PRR5L: variants seen among roughly 807,000 people sequenced by gnomAD.
PRR5L encodes the protein proline rich 5 like.
A neutral mutation model predicts 36.4 loss-of-function variants in PRR5L; 21 were observed. The observed-to-expected ratio is 0.58, with a 90% CI of 0.41 to 0.83. The LOEUF (loss-of-function observed/expected upper bound fraction) is 0.83. PRR5L is among the 40% of genes least tolerant of loss of function. PRR5L has a pLI of 0.00. For synonymous variants in PRR5L, 188 were observed against 197.0 expected (o/e 0.95, Z 0.38); for missense variants, 381 against 473.3 (o/e 0.80, Z 1.81).
chr11:36,349,279 C>A (rs1344817885), intron 1 of PRR5L, among the ~76,000 whole-genome samples: 1,614 of 105,978 alleles, frequency 0.015, no homozygotes, highest in Middle Eastern at 0.019. Context: ...AAGACTCTGC[C>A]AAAAAAAAAA....
At chr11:36,309,803 G>A (rs534164557) in intron 1 of PRR5L, among the ~76,000 whole-genome samples, 2 of 152,184 alleles carry the variant, frequency 1.3e-5, no homozygotes, top group South Asian at 4.1e-4. Context: ...TTAAAGGGAT[G>A]AAGAGACTCA....
At position 36,344,334 on chromosome 11, in the gene PRR5L, C is replaced by T. The variant is rs889727695; in HGVS notation, c.-126+47896C>T. Among the ~76,000 whole-genome samples, 3 of 152,194 alleles carry T rather than the reference C, an allele frequency of 2.0e-5. No homozygotes were observed. Among genetic ancestry groups the T allele is most frequent in the Admixed American group, 6.5e-5 (1 of 15,278 alleles). On this transcript the variant is annotated intron_variant, in intron 1 of 8. Coordinates refer to ENST00000530639, the MANE Select transcript of PRR5L (RefSeq NM_001160167.2). The surrounding 1 kb of genome is among the most constrained non-coding windows in gnomAD (Gnocchi z 4.1). ...TAAGTCTTGGTGTATTACTTCCAGA[C>T]CTATTTCCATGCACATTTAGTTGAG... is the stretch of plus-strand genomic sequence containing the variant.
intron 1 of PRR5L, among the ~76,000 whole-genome samples, chr11:36,349,172 C>T (rs2133486525): frequency 6.6e-6 from 1 of 150,846 alleles, no homozygotes; most frequent in Non-Finnish European, 1.5e-5. Context: ...GTAATCCCAG[C>T]ACTTGGGAGG....
chr11:36,345,567 G>A (rs11033564), intron 1 of PRR5L, among the ~76,000 whole-genome samples: 16,835 of 152,210 alleles, frequency 0.11, 963 homozygotes, highest in Non-Finnish European at 0.12. Flanking sequence ...AGGAGTCTGT[G>A]ATCCCCAAAA....
chr11:36,320,804 A>G (rs754423161), intron 1 of PRR5L, among the ~76,000 whole-genome samples: 44 of 152,218 alleles, frequency 2.9e-4, no homozygotes, highest in Non-Finnish European at 1.3e-4. Flanking sequence ...TTGTTTCCTC[A>G]TCTGTAAAAT....
intron 1 of PRR5L, among the ~76,000 whole-genome samples, chr11:36,328,314 T>C (rs1289304157): frequency 6.6e-6 from 1 of 152,194 alleles, no homozygotes; most frequent in East Asian, 1.9e-4. Context: ...CCAAATCTTA[T>C]GTCCAATTGT....
chr11:36,426,279 C>T (rs570780793), intron 4 of PRR5L, among the ~76,000 whole-genome samples: 26 of 152,366 alleles, frequency 1.7e-4, no homozygotes, highest in African/African-American at 6.3e-4. Context: ...TTTGTTAGAA[C>T]ACTTACTAAT....
chr11:36,337,763 T>C (rs12420883), intron 1 of PRR5L, among the ~76,000 whole-genome samples: 7,512 of 152,340 alleles, frequency 0.049, 207 homozygotes, highest in African/African-American at 0.08. Flanking sequence ...GGTTGCCTGC[T>C]GCTCCAGGAC....
At chr11:36,391,419 T>C (rs1463458825) in intron 1 of PRR5L, among the ~76,000 whole-genome samples, 1 of 152,194 alleles carries the variant, frequency 6.6e-6, no homozygotes, top group Non-Finnish European at 1.5e-5. Context: ...AAACACATCT[T>C]GGAAGTTTTT....
chr11:36,420,746 C>A (rs1858245096), intron 4 of PRR5L, among the ~76,000 whole-genome samples: 1 of 151,980 alleles, frequency 6.6e-6, no homozygotes, highest in African/African-American at 2.4e-5. Flanking sequence ...GAAAACAGTA[C>A]AGGCATCCTT....
intron 8 of PRR5L, chr11:36,454,828 G>A (rs1288414520): frequency 6.6e-6 from 1 of 152,302 alleles, no homozygotes; most frequent in Non-Finnish European, 1.5e-5. Flanking sequence ...GGTACGCATA[G>A]GTCAGAGGCC....
chr11:36,365,952 G>A (rs919839780), intron 1 of PRR5L, among the ~76,000 whole-genome samples: 7 of 152,158 alleles, frequency 4.6e-5, no homozygotes, highest in Admixed American at 3.3e-4. Context: ...CTAGGGGACA[G>A]GGCATCTTTC....
intron 1 of PRR5L, among the ~76,000 whole-genome samples, chr11:36,351,751 A>T (rs1565409587): frequency 5.0e-4 from 34 of 67,420 alleles, no homozygotes; most frequent in African/African-American, 2.2e-3. Flanking sequence ...TATATAATTT[A>T]TATATATTTA....
chr11:36,355,474 C>T (rs1026757790), intron 1 of PRR5L, among the ~76,000 whole-genome samples: 12 of 151,896 alleles, frequency 7.9e-5, no homozygotes, highest in Admixed American at 7.9e-4. Flanking sequence ...CTTAAGGGAC[C>T]CAGTTAGTGA....
At chr11:36,392,518 G>A (rs533856536) in intron 1 of PRR5L, among the ~76,000 whole-genome samples, 1 of 152,208 alleles carries the variant, frequency 6.6e-6, no homozygotes, top group East Asian at 1.9e-4. Flanking sequence ...TTTTAATTAG[G>A]GGGAGATAAT....
intron 4 of PRR5L, among the ~76,000 whole-genome samples, chr11:36,423,962 G>A (rs1052940396): frequency 3.9e-5 from 6 of 152,188 alleles, no homozygotes; most frequent in African/African-American, 7.2e-5. Context: ...TGTGGGGCTC[G>A]CTGCCTGTCA....
In PRR5L at chr11:36,403,298, C is replaced by G. The variant is rs749725726; in HGVS notation, c.165C>G (p.Ser55Arg). ...LQLSSSSAWN[S>R]VQTAVINVFK... ...CAGGGGTTATTCTCTTTTCCTGTAG[C>G]GTTCAGACTGCTGTGATCAACGTTT... Residue 55 changes from serine (S) to arginine (R), a missense_variant and splice_region_variant, in exon 3 of 9, where the codon AGC becomes AGG. Transcript: ENST00000530639. 6.2e-7 allele frequency: 1 copy of G among 1,613,440 alleles called. No individual in the cohort carries two copies. The highest frequency in any genetic ancestry group is 8.5e-7 in the Non-Finnish European group (1 of 1,179,544).
intron 1 of PRR5L, chr11:36,379,237 A>G (rs573612422): frequency 1.5e-3 from 236 of 152,356 alleles, no homozygotes; most frequent in African/African-American, 4.7e-3. Flanking sequence ...TTTGTGGATT[A>G]CTTAATTTTT....
At chr11:36,419,923 A>G (rs1858227164) in intron 4 of PRR5L, among the ~76,000 whole-genome samples, 1 of 152,190 alleles carries the variant, frequency 6.6e-6, no homozygotes, top group Admixed American at 6.5e-5. Context: ...GGGGTCCCCC[A>G]GGGGACCCTG....
Sources: allele counts gnomAD v4.1 joint callset (sites outside exome capture counted in the v4.1 genomes callset), GRCh38; gene constraint gnomAD v4.1.1; non-coding constraint Gnocchi (gnomAD v3.1); transcripts MANE v1.5; gene names NCBI Gene and HGNC (gene_info 2026-07-23, HGNC 2026-07-21).